PCDHA6: variants seen among roughly 807,000 people sequenced by gnomAD.
The protein encoded by PCDHA6 is protocadherin alpha 6.
Under a neutral mutation model 60.3 loss-of-function variants are expected in PCDHA6, and 55 were observed. That is an observed-to-expected ratio of 0.91 (90% CI 0.73 to 1.14). The LOEUF (loss-of-function observed/expected upper bound fraction) is 1.14, where lower values mean the gene tolerates loss of function less well. PCDHA6 is among the 50% of genes most tolerant of loss of function. The probability of loss-of-function intolerance (pLI) is 0.00; values close to 1 mark genes in which losing one functional copy is unlikely to be tolerated. For synonymous variants in PCDHA6, 652 were observed against 557.9 expected, an observed-to-expected ratio of 1.17 and a Z score of -2.38; for missense variants, 1,327 against 1,256.5, an observed-to-expected ratio of 1.06 and a Z score of -0.85.
chr5:140,939,758 T>G (rs2092452335), intron 1 of PCDHA6, among the ~76,000 whole-genome samples: 1 of 152,234 alleles, frequency 6.6e-6, no homozygotes, highest in Non-Finnish European at 1.5e-5. Context: ...TGTCATTATA[T>G]AGTATTTCAG....
At chr5:140,978,910 T>C in intron 1 of PCDHA6, 39 bp from the exon 2 acceptor site, 1 of 1,613,896 alleles carries the variant, frequency 6.2e-7, no homozygotes, top group Non-Finnish European at 8.5e-7. Context: ...GAACATTGTC[T>C]TGTCATTTTA....
chr5:140,834,721 C>A (rs2150224932), intron 1 of PCDHA6: 1 of 1,614,220 alleles, frequency 6.2e-7, no homozygotes, highest in South Asian at 1.1e-5. Context: ...GTGGAAAGGC[C>A]GCTGCAGGTT....
intron 1 of PCDHA6, chr5:140,863,395 G>A: frequency 1.1e-6 from 1 of 921,404 alleles, no homozygotes; most frequent in Non-Finnish European, 1.7e-6. Flanking sequence ...GTGCATGCCG[G>A]GCAAGCCCAC....
At chr5:140,955,190 A>G (rs1269758289) in intron 1 of PCDHA6, among the ~76,000 whole-genome samples, 2 of 152,050 alleles carry the variant, frequency 1.3e-5, no homozygotes, top group Admixed American at 6.6e-5. Flanking sequence ...TGTGGTGTAT[A>G]TGAAGTCAAT....
chr5:140,910,514 T>C (rs1246361505), intron 1 of PCDHA6, among the ~76,000 whole-genome samples: 1 of 152,218 alleles, frequency 6.6e-6, no homozygotes, highest in African/African-American at 2.4e-5. Flanking sequence ...TCTTCAAGGA[T>C]GCAGGTACTC....
At chr5:140,960,267 C>T (rs1182915204) in intron 1 of PCDHA6, among the ~76,000 whole-genome samples, 3 of 152,266 alleles carry the variant, frequency 2.0e-5, no homozygotes, top group South Asian at 2.1e-4. Flanking sequence ...CTGATAAATT[C>T]CGTCACCTTT....
intron 1 of PCDHA6, chr5:140,871,118 G>C (rs1554165149): frequency 6.2e-7 from 1 of 1,613,306 alleles, no homozygotes; most frequent in East Asian, 2.2e-5. Flanking sequence ...GTGGAGAGCG[G>C]ACAGGCGCCA....
At chr5:140,930,649 G>A (rs1300720133) in intron 1 of PCDHA6, among the ~76,000 whole-genome samples, 1 of 152,156 alleles carries the variant, frequency 6.6e-6, no homozygotes, top group Non-Finnish European at 1.5e-5. Context: ...GGAAAATGAA[G>A]CATTCCTTGT....
chr5:140,843,739 T>C (rs1554140396), intron 1 of PCDHA6: 2 of 1,538,164 alleles, frequency 1.3e-6, no homozygotes, highest in African/African-American at 2.7e-5. Context: ...AATTTAGAAC[T>C]CATAAATTCT....
At chr5:140,856,696 A>C (rs2044153599) in intron 1 of PCDHA6, 1 of 1,596,642 alleles carries the variant, frequency 6.3e-7, no homozygotes, top group Non-Finnish European at 8.6e-7. Flanking sequence ...CAACTGATGG[A>C]GGCAAACCTG....
At chr5:140,998,585 A>C (rs1227951754) in intron 3 of PCDHA6, among the ~76,000 whole-genome samples, 1 of 148,644 alleles carries the variant, frequency 6.7e-6, no homozygotes, top group Non-Finnish European at 1.5e-5. Context: ...TTTTTTTGAG[A>C]CAGAGTTTTG....
chr5:140,883,433 T>G lies in PCDHA6; in HGVS notation c.2394+52948T>G, dbSNP rs201972709. 38 of 1,614,170 alleles carry G rather than the reference T, an allele frequency of 2.4e-5. No individual in the cohort carries two copies. In the East Asian group the frequency reaches 7.8e-4, roughly 33 times the overall value. ...CTCAAATGGACAGGTCACCTGCACC[T>G]TGACGCCGCATGTCCCCTTCAAGCT... On this transcript the variant is annotated intron_variant, in intron 1 of 3. Transcript: ENST00000529310.
At chr5:140,995,698 G>A (rs963042409) in intron 3 of PCDHA6, among the ~76,000 whole-genome samples, 2 of 152,104 alleles carry the variant, frequency 1.3e-5, no homozygotes, top group African/African-American at 2.4e-5. Flanking sequence ...TTAAATAAAG[G>A]GCTGGGCTTG....
chr5:140,858,325 G>A, intron 1 of PCDHA6: 1 of 1,596,768 alleles, frequency 6.3e-7, no homozygotes, highest in Non-Finnish European at 8.6e-7. Context: ...TGTGTTCTGG[G>A]GAGGGCCTGC....
At chr5:140,926,537 T>C (rs1584447910) in intron 1 of PCDHA6, 2 of 211,572 alleles carry the variant, frequency 9.5e-6, no homozygotes, top group African/African-American at 2.3e-5. Flanking sequence ...GCAGCCAGCG[T>C]GGTGGTCGAG....
chr5:140,835,899 A>G (rs1554135420), intron 1 of PCDHA6: 1 of 1,612,086 alleles, frequency 6.2e-7, no homozygotes, highest in Non-Finnish European at 8.5e-7. Context: ...CGCGCTGTCG[A>G]GCTACGTGTC....
chr5:140,953,842 T>A (rs1369287853), intron 1 of PCDHA6, among the ~76,000 whole-genome samples: 2 of 152,214 alleles, frequency 1.3e-5, no homozygotes, highest in Non-Finnish European at 2.9e-5. Flanking sequence ...GTTACCCAGG[T>A]AAACATGTGC....
At chr5:140,999,321 A>G (rs1043394227) in intron 3 of PCDHA6, among the ~76,000 whole-genome samples, 32 of 152,198 alleles carry the variant, frequency 2.1e-4, no homozygotes, top group Non-Finnish European at 3.2e-4. Context: ...ACAGACATTG[A>G]TCTGTGTGAT....
At chr5:140,880,420 A>C (rs1554171279) in intron 1 of PCDHA6, among the ~76,000 whole-genome samples, 2 of 152,230 alleles carry the variant, frequency 1.3e-5, no homozygotes, top group Non-Finnish European at 2.9e-5. Context: ...TAAAAGCGGG[A>C]ACAGTTTTTC....
Sources: gnomAD v4.1 joint callset for allele counts (sites outside exome capture counted in the v4.1 genomes callset) on GRCh38, gnomAD v4.1.1 for gene constraint, MANE v1.5 for transcripts, NCBI Gene and HGNC (gene_info 2026-07-23, HGNC 2026-07-21) for gene names.